Variants in ARL14EPL observed in about 807,000 individuals in gnomAD.
The protein encoded by ARL14EPL is ARL14 effector protein-like.
In ARL14EPL, 17 loss-of-function variants were observed where a neutral mutation model predicts 15.9. The ratio of observed to expected loss-of-function variants is 1.07; its 90% CI spans 0.73 to 1.60. The LOEUF (loss-of-function observed/expected upper bound fraction) is 1.60, where lower values mean the gene tolerates loss of function less well. Among genes scored for constraint, ARL14EPL ranks in the 40% most tolerant of loss-of-function variants. ARL14EPL has a pLI of 0.00. For missense variants in ARL14EPL, 214 were observed against 185.9 expected (o/e 1.15, Z -0.88); for synonymous variants, 78 against 63.8 (o/e 1.22, Z -1.06).
At chr5:116,044,950 T>G (rs1382748861) in intron 1 of ARL14EPL, among the ~76,000 whole-genome samples, 1 of 152,200 alleles carries the variant, frequency 6.6e-6, no homozygotes, top group East Asian at 1.9e-4. Context: ...TAAAGGTATG[T>G]GTTCTTTCTC....
At chr5:116,034,745 G>A (rs1055515189) in intron 1 of ARL14EPL, among the ~76,000 whole-genome samples, 4 of 152,098 alleles carry the variant, frequency 2.6e-5, no homozygotes, top group Admixed American at 1.3e-4. Context: ...CCCCTATGAG[G>A]CAGTGTGTCC....
rs1749459756 is a variant in ARL14EPL, at chr5:116,054,137, T to C, written c.220T>C (p.Phe74Leu). 6.5e-7 allele frequency: 1 copy of C among 1,535,150 alleles called. No homozygotes were observed. The highest frequency in any genetic ancestry group is 1.4e-5 in the African/African-American group (1 of 73,024). The change falls in exon 3 of 4, where the codon TTT becomes CTT. Residue 74 changes from phenylalanine (F) to leucine (L), a missense_variant. By Grantham distance (22) the Phe-to-Leu change is conservative. Coordinates refer to ENST00000686077, the MANE Select transcript of ARL14EPL (RefSeq NM_001195581.2). Reference protein sequence around the residue: ...KARMSKMNEYFSTKYKIMRKY... With the variant: ...KARMSKMNEYLSTKYKIMRKY... ...CCGGATGTCAAAGATGAATGAATATTTTTCTACCAAATACAAGTAAGATTC... is the reference window on the plus strand; with the variant it reads ...CCGGATGTCAAAGATGAATGAATATCTTTCTACCAAATACAAGTAAGATTC...
chr5:116,041,006 T>C (rs2662462), intron 1 of ARL14EPL, among the ~76,000 whole-genome samples: 47,856 of 105,726 alleles, frequency 0.45, 9,103 homozygotes, highest in East Asian at 0.62. Context: ...TTTTATGCTG[T>C]GCATCAAAAA....
At chr5:116,044,061 G>A (rs553815911) in intron 1 of ARL14EPL, among the ~76,000 whole-genome samples, 34 of 152,310 alleles carry the variant, frequency 2.2e-4, no homozygotes, top group Middle Eastern at 3.4e-3. Flanking sequence ...AATTTGCTGT[G>A]TAATCTCAAA....
rs1318803473 is a variant in ARL14EPL, at chr5:116,059,156, C to T, written c.*209C>T. On this transcript the variant is annotated 3_prime_UTR_variant, in exon 4 of 4. Coordinates refer to ENST00000686077, the MANE Select transcript of ARL14EPL (RefSeq NM_001195581.2). Reference sequence around the variant, plus strand: ...AATTTTCAAGTCCCTTAACTTGCAACCAAAGAATGTAACAATGGAGGGATC... The same window carrying T: ...AATTTTCAAGTCCCTTAACTTGCAATCAAAGAATGTAACAATGGAGGGATC... 4 of 574,588 alleles carry T rather than the reference C, an allele frequency of 7.0e-6. No individual in the cohort carries two copies. The highest frequency in any genetic ancestry group is 1.2e-5 in the Non-Finnish European group (4 of 324,670). The allele number at this position is 574,588 out of a possible 1,614,324, so 35.6% of individuals were successfully genotyped here. A position where few individuals can be genotyped will look rare whatever the true frequency, so the allele number is the denominator to read the frequency against.
At chr5:116,050,728 T>C (rs1749353987) in intron 1 of ARL14EPL, among the ~76,000 whole-genome samples, 1 of 150,844 alleles carries the variant, frequency 6.6e-6, no homozygotes, top group Admixed American at 6.6e-5. Flanking sequence ...TGATAGAACA[T>C]TGCAGACCAG....
chr5:116,052,325 A>ACC, intron 2 of ARL14EPL: 12 of 983,752 alleles, frequency 1.2e-5, no homozygotes, highest in Non-Finnish European at 1.6e-5. Flanking sequence ...GCAGCCTTGC[A>ACC]AAGATGTCGG....
rs149495514 is a variant in ARL14EPL at position 116,054,883 on chromosome 5, A to G, written c.236+730A>G. ...TAAAAAATAATAAACTAAGAAAACT[A>G]TAAAGGAAAATGATAAATTTAACTA... On this transcript the variant is annotated intron_variant, in intron 3 of 3. Transcript: ENST00000686077. Among the ~76,000 whole-genome samples, 75 of 151,644 alleles carry G rather than the reference A, an allele frequency of 4.9e-4. 1 individual carries two copies. The East Asian group carries it at 0.013, about 27-fold the overall frequency.
intron 1 of ARL14EPL, among the ~76,000 whole-genome samples, chr5:116,050,462 T>A (rs184982187): frequency 4.5e-4 from 69 of 152,356 alleles, no homozygotes; most frequent in African/African-American, 1.7e-3. Context: ...CCTTGGTGCA[T>A]ACTTACACAC....
rs1343792621 is a variant in ARL14EPL at position 116,058,708 on chromosome 5, A to C, written c.237-17A>C. 1.5e-5 allele frequency: 23 copies of C among 1,532,182 alleles called. No individual in the cohort carries two copies. The highest frequency in any genetic ancestry group is 1.9e-5 in the Non-Finnish European group (22 of 1,144,978). The allele number at this position is 1,532,182 out of a possible 1,614,324, so 94.9% of individuals were successfully genotyped here. A position where few individuals can be genotyped will look rare whatever the true frequency, so the allele number is the denominator to read the frequency against. On this transcript the variant is annotated splice_polypyrimidine_tract_variant and intron_variant, in intron 3 of 3. Coordinates refer to ENST00000686077, the MANE Select transcript of ARL14EPL (RefSeq NM_001195581.2). ...ATGATTGCACTGTCATCTTAATGTC[A>C]TGCTTTTCCTTTGTAGAATAATGAG...
intron 2 of ARL14EPL, among the ~76,000 whole-genome samples, chr5:116,053,575 G>C (rs903274836): frequency 6.6e-6 from 1 of 152,076 alleles, no homozygotes; most frequent in Non-Finnish European, 1.5e-5. Flanking sequence ...GCACTGAAGG[G>C]GAGTGCCGGA....
At chr5:116,051,740 G>A (rs749434759) in intron 2 of ARL14EPL, among the ~76,000 whole-genome samples, 179 bp downstream of exon 2, 4 of 152,128 alleles carry the variant, frequency 2.6e-5, no homozygotes, top group Non-Finnish European at 5.9e-5. Flanking sequence ...GGCTGCTCTC[G>A]CCTCACACAT....
At chr5:116,032,989 G>T (rs898570873) in intron 1 of ARL14EPL, among the ~76,000 whole-genome samples, 1 of 152,014 alleles carries the variant, frequency 6.6e-6, no homozygotes, top group Admixed American at 6.6e-5. Flanking sequence ...AGTTGAGATG[G>T]GGTTTCACCA....
intron 3 of ARL14EPL, among the ~76,000 whole-genome samples, chr5:116,057,094 A>T (rs1265681596): frequency 6.6e-5 from 10 of 152,246 alleles, no homozygotes; most frequent in Admixed American, 6.5e-5. Context: ...AGTGGGCTTC[A>T]TCCCTGGGAT....
At chr5:116,042,067 G>A (rs557562651) in intron 1 of ARL14EPL, among the ~76,000 whole-genome samples, 33 of 152,076 alleles carry the variant, frequency 2.2e-4, no homozygotes, top group Non-Finnish European at 4.3e-4. Flanking sequence ...CTGGGTGCAG[G>A]CAATCCTCCC....
At chr5:116,034,229 T>A (rs969957040) in intron 1 of ARL14EPL, among the ~76,000 whole-genome samples, 1 of 152,200 alleles carries the variant, frequency 6.6e-6, no homozygotes, top group African/African-American at 2.4e-5. Flanking sequence ...AGGCGGTTAG[T>A]CCCATCATTT....
At chr5:116,051,128 C>T in intron 1 of ARL14EPL, 1 of 196,518 alleles carries the variant, frequency 5.1e-6, no homozygotes, top group Non-Finnish European at 1.0e-5. Flanking sequence ...CTTTTTCTTT[C>T]AAGAGTGTGT....
chr5:116,046,029 G>A (rs1219867785), intron 1 of ARL14EPL, among the ~76,000 whole-genome samples: 2 of 152,124 alleles, frequency 1.3e-5, no homozygotes, highest in African/African-American at 4.8e-5. Flanking sequence ...ACCTGCACAG[G>A]CGTCCTTTCT....
intron 1 of ARL14EPL, 47 bp from the exon 2 acceptor site, chr5:116,051,410 A>C: frequency 8.9e-7 from 1 of 1,124,208 alleles, no homozygotes; most frequent in Non-Finnish European, 1.3e-6. Flanking sequence ...TAGTTACTGG[A>C]GATAGATGAT....
Sources: gnomAD v4.1 joint callset for allele counts (sites outside exome capture counted in the v4.1 genomes callset) on GRCh38, gnomAD v4.1.1 for gene constraint, MANE v1.5 for transcripts, NCBI Gene and HGNC (gene_info 2026-07-23, HGNC 2026-07-21) for gene names.